TBL1X: variants seen among roughly 807,000 people sequenced by gnomAD.
TBL1X encodes transducin beta like 1 X-linked, also known as F-box-like/WD repeat-containing protein TBL1X.
In TBL1X, 10 loss-of-function variants were observed where a neutral mutation model predicts 50.7. The observed-to-expected ratio is 0.20, with a 90% CI of 0.12 to 0.33. The LOEUF is 0.33. Among genes scored for constraint, TBL1X ranks in the 10% least tolerant of loss-of-function variants. The pLI, the probability that TBL1X is intolerant of heterozygous loss-of-function variation, is 1.00. For synonymous variants in TBL1X, 190 were observed against 214.7 expected (o/e 0.88, Z 1.01); for missense variants, 340 against 504.4 (o/e 0.67, Z 3.12).
intron 3 of TBL1X, among the ~76,000 whole-genome samples, chrX:9,644,428 T>TA (rs2082791659): frequency 9.0e-6 from 1 of 111,325 alleles, no homozygotes; most frequent in Non-Finnish European, 1.9e-5. Context: ...CTCTTTTTCT[T>TA]ACATGCATTG....
intron 2 of TBL1X, among the ~76,000 whole-genome samples, chrX:9,592,637 C>T (rs909798433): frequency 2.7e-5 from 3 of 111,509 alleles, no homozygotes; most frequent in African/African-American, 9.8e-5. Context: ...CCACACTCCC[C>T]TCCCCACACT....
At chrX:9,596,723 C>T (rs1250827508) in intron 2 of TBL1X, among the ~76,000 whole-genome samples, 1 of 111,160 alleles carries the variant, frequency 9.0e-6, no homozygotes, top group African/African-American at 3.3e-5. Context: ...AAATCAACCA[C>T]TTAATCTCCT....
intron 1 of TBL1X, among the ~76,000 whole-genome samples, chrX:9,477,304 C>T (rs1005986917): frequency 8.9e-6 from 1 of 112,113 alleles, no homozygotes; most frequent in Non-Finnish European, 1.9e-5. Context: ...AAATGTTCAA[C>T]CTTCTCTAAT....
chrX:9,646,045 T>A (rs2082802709), intron 3 of TBL1X, among the ~76,000 whole-genome samples: 1 of 112,868 alleles, frequency 8.9e-6, no homozygotes, highest in Admixed American at 9.3e-5. Flanking sequence ...TTGTTAAACC[T>A]ATAAAATGGT....
intron 5 of TBL1X, among the ~76,000 whole-genome samples, chrX:9,675,929 A>G (rs746111617): frequency 1.3e-4 from 14 of 110,708 alleles, no homozygotes; most frequent in Non-Finnish European, 2.3e-4. Flanking sequence ...ATTAAGATAC[A>G]TAGAGAAAAG....
At chrX:9,575,947 A>G (rs1217740206) in intron 2 of TBL1X, among the ~76,000 whole-genome samples, 1 of 111,905 alleles carries the variant, frequency 8.9e-6, no homozygotes, top group African/African-American at 3.3e-5. Flanking sequence ...CTTTAAATGG[A>G]GGAGGGGAGA....
chrX:9,555,775 A>C (rs190128965), intron 2 of TBL1X, among the ~76,000 whole-genome samples: 1 of 112,046 alleles, frequency 8.9e-6, no homozygotes, highest in Non-Finnish European at 1.9e-5. Flanking sequence ...TGAAGATGAA[A>C]TTAGGGACTA....
At chrX:9,676,284 A>G (rs775615094) in intron 5 of TBL1X, among the ~76,000 whole-genome samples, 40 of 111,611 alleles carry the variant, frequency 3.6e-4, no homozygotes, top group Non-Finnish European at 5.1e-4. Context: ...CTCCACTACA[A>G]TTCTCTGTGA....
intron 2 of TBL1X, among the ~76,000 whole-genome samples, chrX:9,503,379 A>G (rs907626255): frequency 8.8e-6 from 1 of 113,146 alleles, no homozygotes; most frequent in Non-Finnish European, 1.9e-5. Flanking sequence ...AGATTCTTAC[A>G]GCCTCTCAGC....
chrX:9,568,191 CTT>C (rs1315176691), intron 2 of TBL1X, among the ~76,000 whole-genome samples: 3 of 111,799 alleles, frequency 2.7e-5, no homozygotes, highest in Admixed American at 1.9e-4. Context: ...TTCTTGTCCT[CTT>C]TTCGTGGCAT....
At chrX:9,491,023 G>C (rs1373561725) in intron 1 of TBL1X, among the ~76,000 whole-genome samples, 2 of 108,891 alleles carry the variant, frequency 1.8e-5, no homozygotes, top group Admixed American at 2.0e-4. Flanking sequence ...CTATCACCCA[G>C]GCTGGAGTGC....
At chrX:9,643,663 G>A (rs753636884) in intron 3 of TBL1X, among the ~76,000 whole-genome samples, 12 of 111,282 alleles carry the variant, frequency 1.1e-4, no homozygotes, top group South Asian at 3.8e-4. Context: ...ACCATCCTGG[G>A]CAACATAGTG....
rs776992353 is a variant in TBL1X, at chrX:9,633,688, A to C, written c.-130-6585A>C. Among the ~76,000 whole-genome samples, 117 of 112,672 alleles carry C rather than the reference A, an allele frequency of 1.0e-3. 1 individual carries two copies. The highest frequency in any genetic ancestry group is 3.6e-3 in the African/African-American group (113 of 31,058). On this transcript the variant is annotated intron_variant, in intron 2 of 17. Coordinates refer to ENST00000645353, the MANE Select transcript of TBL1X (RefSeq NM_005647.4). ...GATTTCAAGCTTGCAGAGTCTTAAA[A>C]AAATACACATTGGAGAACACATAGT...
At chrX:9,472,313 C>T (rs1370748946) in intron 1 of TBL1X, among the ~76,000 whole-genome samples, 5 of 111,000 alleles carry the variant, frequency 4.5e-5, no homozygotes, top group African/African-American at 9.8e-5. Flanking sequence ...GGGTCTTGCT[C>T]TGTTGCCCTG....
In TBL1X at chrX:9,542,423, G is replaced by C. The variant is rs185669574; in HGVS notation, c.-131+40574G>C. Among the ~76,000 whole-genome samples, 3 of 111,853 alleles carry C rather than the reference G, an allele frequency of 2.7e-5. No homozygotes were observed. The East Asian group carries it at 8.5e-4, about 32-fold the overall frequency. On this transcript the variant is annotated intron_variant, in intron 2 of 17. Coordinates refer to ENST00000645353, the MANE Select transcript of TBL1X (RefSeq NM_005647.4). Reference sequence around the variant, plus strand: ...TGGATACTCCTGGACCATATAGATAGATGTAACCACAGCATTCCGGTAGCT... The same window carrying C: ...TGGATACTCCTGGACCATATAGATACATGTAACCACAGCATTCCGGTAGCT...
intron 2 of TBL1X, among the ~76,000 whole-genome samples, chrX:9,543,072 C>T (rs867701078): frequency 8.9e-6 from 1 of 112,518 alleles, no homozygotes; most frequent in African/African-American, 3.2e-5. Context: ...GTTACCATCC[C>T]TCTGGACCAA....
At chrX:9,492,894 T>TGTGTGTAG (rs796965171) in intron 1 of TBL1X, among the ~76,000 whole-genome samples, 500 of 24,159 alleles carry the variant, frequency 0.021, 57 homozygotes, top group African/African-American at 0.048. Flanking sequence ...TGTGTGTGTG[T>TGTGTGTAG]GTGTAGGGGA....
chrX:9,492,878 T>TAG (rs1246479874), intron 1 of TBL1X, among the ~76,000 whole-genome samples: 3 of 50,943 alleles, frequency 5.9e-5, no homozygotes, highest in African/African-American at 2.2e-4. Flanking sequence ...TGTGTGTGTG[T>TAG]GTGTGTGTGT....
At chrX:9,550,433 C>G (rs1179716501) in intron 2 of TBL1X, among the ~76,000 whole-genome samples, 1 of 112,236 alleles carries the variant, frequency 8.9e-6, no homozygotes, top group Non-Finnish European at 1.9e-5. Context: ...GGGCTTAATA[C>G]AATACAGGGC....
Sources: allele counts gnomAD v4.1 joint callset (sites outside exome capture counted in the v4.1 genomes callset), GRCh38; gene constraint gnomAD v4.1.1; transcripts MANE v1.5; gene names NCBI Gene and HGNC (gene_info 2026-07-23, HGNC 2026-07-21).